Variants in MICU1 observed in about 807,000 individuals in gnomAD.
The protein encoded by MICU1 is mitochondrial calcium uptake 1, also known as calcium uptake protein 1, mitochondrial.
Under a neutral mutation model 56.8 loss-of-function variants are expected in MICU1, and 45 were observed. The ratio of observed to expected loss-of-function variants is 0.79; its 90% CI spans 0.62 to 1.02. The LOEUF (loss-of-function observed/expected upper bound fraction) is 1.02. Among genes scored for constraint, MICU1 ranks in the 50% least tolerant of loss-of-function variants. The pLI is 0.00. For synonymous variants in MICU1, 186 were observed against 195.1 expected, an observed-to-expected ratio of 0.95 and a Z score of 0.39; for missense variants, 504 against 587.1, an observed-to-expected ratio of 0.86 and a Z score of 1.46.
chr10:72,374,379 G>A (rs966736338), intron 11 of MICU1, among the ~76,000 whole-genome samples: 1 of 152,210 alleles, frequency 6.6e-6, no homozygotes, highest in Non-Finnish European at 1.5e-5. Flanking sequence ...TCCTGCCTTA[G>A]CCTCCTAAAG....
rs1248022078 is a variant in MICU1, at chr10:72,386,872, A to C, written c.1181-11000T>G. Among the ~76,000 whole-genome samples the C allele has an allele frequency of 2.0e-5, 3 of 152,270 alleles. No homozygotes were observed. In the South Asian group the frequency reaches 6.2e-4, roughly 32 times the overall value. On this transcript the variant is annotated intron_variant, in intron 10 of 11. Coordinates refer to ENST00000361114, the MANE Select transcript of MICU1 (RefSeq NM_001195518.2). Reference sequence around the variant, plus strand: ...TTTTTTGACAGAGTGCACTTTACAGAACCATCATTCTGTTTTACCTACTAT... The same window carrying C: ...TTTTTTGACAGAGTGCACTTTACAGCACCATCATTCTGTTTTACCTACTAT...
intron 1 of MICU1, among the ~76,000 whole-genome samples, chr10:72,617,049 C>G (rs1279127606): frequency 6.6e-6 from 1 of 152,196 alleles, no homozygotes; most frequent in African/African-American, 2.4e-5. Context: ...ATCTAGACAA[C>G]CACTGTTTTA....
Position 72,584,247 on chromosome 10 carries a change from A to G in MICU1, c.-1-17453T>C, listed in dbSNP as rs1019207607. Among the ~76,000 whole-genome samples, 28 of 152,308 alleles carry G rather than the reference A, an allele frequency of 1.8e-4. 1 individual carries two copies. The highest frequency in any genetic ancestry group is 4.1e-4 in the African/African-American group (17 of 41,570). ...TACAGCCTTTTTACTGCAACAATAAAACCTGAAACTTAACGTCTGGTGAAG... is the reference window on the plus strand; with the variant it reads ...TACAGCCTTTTTACTGCAACAATAAGACCTGAAACTTAACGTCTGGTGAAG... On this transcript the variant is annotated intron_variant, in intron 1 of 11. Coordinates refer to ENST00000361114, the MANE Select transcript of MICU1 (RefSeq NM_001195518.2).
At chr10:72,393,362 G>A (rs183930378) in intron 10 of MICU1, among the ~76,000 whole-genome samples, 27 of 152,308 alleles carry the variant, frequency 1.8e-4, no homozygotes, top group African/African-American at 5.8e-4. Context: ...GAATGAAAAG[G>A]TCTTCCCGAG....
chr10:72,447,981 T>C (rs561344029), intron 8 of MICU1, among the ~76,000 whole-genome samples: 1 of 151,946 alleles, frequency 6.6e-6, no homozygotes, highest in South Asian at 2.1e-4. Context: ...CAAATCCCAG[T>C]TGATCTCACT....
chr10:72,391,474 A>G (rs1272073237), intron 10 of MICU1, among the ~76,000 whole-genome samples: 1 of 152,142 alleles, frequency 6.6e-6, no homozygotes. Flanking sequence ...ATTTAAGAAA[A>G]GAAAACCAGT....
chr10:72,416,338 T>C (rs7903261), intron 9 of MICU1, among the ~76,000 whole-genome samples: 6,269 of 152,284 alleles, frequency 0.041, 424 homozygotes, highest in African/African-American at 0.14. Flanking sequence ...AGTTCTAGTC[T>C]TTTTAGTTTT....
intron 1 of MICU1, among the ~76,000 whole-genome samples, chr10:72,620,043 A>T (rs1842067589): frequency 6.6e-6 from 1 of 152,074 alleles, no homozygotes; most frequent in Non-Finnish European, 1.5e-5. Context: ...ACTTTTTTTA[A>T]AAAAAAGGAA....
intron 1 of MICU1, among the ~76,000 whole-genome samples, chr10:72,620,816 TTC>T (rs1330858661): frequency 6.6e-6 from 1 of 152,364 alleles, no homozygotes; most frequent in East Asian, 1.9e-4. Context: ...TGTCAATCAC[TTC>T]TCACAGTTGT....
chr10:72,500,094 ATG>A (rs1288414565), intron 6 of MICU1, among the ~76,000 whole-genome samples: 2 of 151,790 alleles, frequency 1.3e-5, no homozygotes, highest in Non-Finnish European at 2.9e-5. Flanking sequence ...GATAATCAAA[ATG>A]AGAATATAAT....
chr10:72,437,804 C>T (rs542111665), intron 8 of MICU1, among the ~76,000 whole-genome samples: 1 of 152,106 alleles, frequency 6.6e-6, no homozygotes, highest in Non-Finnish European at 1.5e-5. Context: ...ACAAAGAAGG[C>T]CATCACATAA....
chr10:72,566,130 A>G (rs1840432447), intron 2 of MICU1, among the ~76,000 whole-genome samples: 3 of 130,600 alleles, frequency 2.3e-5, no homozygotes, highest in African/African-American at 8.8e-5. Flanking sequence ...TGCAACCTCC[A>G]CCTGCCTCCC....
Position 72,549,664 on chromosome 10 carries a change from G to A in MICU1, c.493+1515C>T, listed in dbSNP as rs142719946. On this transcript the variant is annotated intron_variant, in intron 4 of 11. Coordinates refer to ENST00000361114, the MANE Select transcript of MICU1 (RefSeq NM_001195518.2). ...TTGGTTTCTTAGCCGGGTGCAGTGG[G>A]TCACGCCTGTAATCTCATCACTTTG... Among the ~76,000 whole-genome samples, 42 of 152,038 alleles carry A rather than the reference G, an allele frequency of 2.8e-4. No homozygotes were observed. In the East Asian group the frequency reaches 7.5e-3, roughly 27 times the overall value.
intron 7 of MICU1, among the ~76,000 whole-genome samples, chr10:72,476,950 T>G (rs997940575): frequency 6.6e-6 from 1 of 152,216 alleles, no homozygotes; most frequent in African/African-American, 2.4e-5. Context: ...GGAGCAACCG[T>G]GACCTTAACG....
intron 6 of MICU1, among the ~76,000 whole-genome samples, chr10:72,484,331 AT>A (rs1866395224): frequency 6.6e-6 from 1 of 152,152 alleles, no homozygotes; most frequent in Non-Finnish European, 1.5e-5. Context: ...AAATGCATTA[AT>A]CTAGTTCTTC....
At chr10:72,472,457 A>G (rs1383964190) in intron 8 of MICU1, among the ~76,000 whole-genome samples, 1 of 152,188 alleles carries the variant, frequency 6.6e-6, no homozygotes, top group Non-Finnish European at 1.5e-5. Context: ...TAAGCACTTA[A>G]CCTTTCCTGA....
At chr10:72,605,496 A>G (rs2132555640) in intron 1 of MICU1, among the ~76,000 whole-genome samples, 1 of 152,332 alleles carries the variant, frequency 6.6e-6, no homozygotes, top group South Asian at 2.1e-4. Context: ...ACTTTACTCT[A>G]TGCTTGCTCT....
chr10:72,566,185 C>T (rs1306792098), intron 2 of MICU1, among the ~76,000 whole-genome samples: 1 of 151,792 alleles, frequency 6.6e-6, no homozygotes, highest in African/African-American at 2.4e-5. Flanking sequence ...GTAGCAGGGA[C>T]TACAGGCTCA....
intron 1 of MICU1, among the ~76,000 whole-genome samples, chr10:72,595,636 T>G (rs542182835): frequency 6.6e-6 from 1 of 152,264 alleles, no homozygotes; most frequent in East Asian, 1.9e-4. Flanking sequence ...CTGACTACTT[T>G]CCTCACAAAA....
Sources: gnomAD v4.1 joint callset for allele counts (sites outside exome capture counted in the v4.1 genomes callset) on GRCh38, gnomAD v4.1.1 for gene constraint, MANE v1.5 for transcripts, NCBI Gene and HGNC (gene_info 2026-07-23, HGNC 2026-07-21) for gene names.